Variants in STAG1 observed in about 807,000 individuals in gnomAD.
STAG1 encodes STAG1 cohesin complex component, also known as cohesin subunit SA-1.
STAG1 carries 26 observed loss-of-function variants against 170.9 expected under a neutral mutation model. That is an observed-to-expected ratio of 0.15 (90% CI 0.11 to 0.21). The LOEUF is 0.21. Among genes scored for constraint, STAG1 ranks in the 10% least tolerant of loss-of-function variants. STAG1 has a pLI of 1.00. For synonymous variants in STAG1, 514 were observed against 497.7 expected (o/e 1.03, Z -0.44); for missense variants, 964 against 1,509.5 (o/e 0.64, Z 5.99).
chr3:136,511,533 A>C (rs1437715806), intron 7 of STAG1, among the ~76,000 whole-genome samples: 1 of 152,200 alleles, frequency 6.6e-6, no homozygotes, highest in Non-Finnish European at 1.5e-5. Flanking sequence ...ATCCTTAGCA[A>C]ACTAATGCAG....
rs2087984205 is a variant in STAG1 at position 136,422,369 on chromosome 3, A to G, written c.2037+41T>C. On this transcript the variant is annotated intron_variant, in intron 19 of 33. Transcript: ENST00000383202. ...CACTCAGCTATCTTAAGTAATTCTC[A>G]GTCAATATTATTATATGTACACATT... 3 of 1,551,970 alleles carry G rather than the reference A, an allele frequency of 1.9e-6. No individual in the cohort carries two copies. In the East Asian group the frequency reaches 6.8e-5, roughly 35 times the overall value.
intron 8 of STAG1, among the ~76,000 whole-genome samples, chr3:136,502,319 G>A (rs544329580): frequency 5.8e-4 from 62 of 107,224 alleles, no homozygotes; most frequent in Admixed American, 3.3e-3. Context: ...ATGTAGCTTT[G>A]CTGGCTCACG....
intron 1 of STAG1, among the ~76,000 whole-genome samples, chr3:136,739,442 T>C (rs916923901): frequency 3.4e-5 from 5 of 148,120 alleles, no homozygotes; most frequent in African/African-American, 1.3e-4. Context: ...AGGTGAGAGG[T>C]TGAGGCTGCA....
chr3:136,346,255 T>G (rs993386849), intron 29 of STAG1, among the ~76,000 whole-genome samples: 4 of 152,216 alleles, frequency 2.6e-5, no homozygotes, highest in African/African-American at 9.6e-5. Flanking sequence ...CTTAGCACAG[T>G]TCTTAGGAAG....
Position 136,568,832 on chromosome 3 carries a change from A to G in STAG1, c.327T>C (p.Tyr109=), listed in dbSNP as rs571396320. The change falls in exon 5 of 34, where the codon TAT becomes TAC. Residue 109 remains tyrosine, a synonymous_variant. Coordinates refer to ENST00000383202, the MANE Select transcript of STAG1 (RefSeq NM_005862.3). ...QSVVDDWIES[Y]KQDRDIALLD... is the part of the protein sequence containing the mutation. The stretch of plus-strand genomic sequence containing the variant: ...GAAGTGCGATGTCCCTGTCTTGTTT[A>G]TATGATTCAATCCAGTCATCCACCA... 3 of 1,612,374 alleles carry G rather than the reference A, an allele frequency of 1.9e-6. No homozygotes were observed. In the South Asian group the frequency reaches 3.3e-5, roughly 18 times the overall value.
At chr3:136,586,262 A>G (rs140297523) in intron 4 of STAG1, among the ~76,000 whole-genome samples, 164 of 152,106 alleles carry the variant, frequency 1.1e-3, no homozygotes, top group African/African-American at 3.9e-3. Context: ...ACATATACAC[A>G]CACACACACA....
intron 1 of STAG1, among the ~76,000 whole-genome samples, chr3:136,713,365 T>C (rs1419141428): frequency 6.6e-6 from 1 of 151,272 alleles, no homozygotes; most frequent in South Asian, 2.1e-4. Context: ...GGACAATCAC[T>C]TGAGGTCAGG....
intron 1 of STAG1, among the ~76,000 whole-genome samples, chr3:136,649,517 A>G (rs540788582): frequency 2.0e-5 from 3 of 151,638 alleles, no homozygotes; most frequent in East Asian, 3.9e-4. Context: ...AAAAAAAAAA[A>G]AAAAAGAAAG....
chr3:136,348,291 G>A (rs1415874015), intron 29 of STAG1, among the ~76,000 whole-genome samples: 1 of 150,328 alleles, frequency 6.7e-6, no homozygotes, highest in African/African-American at 2.4e-5. Flanking sequence ...GCAATTTTTA[G>A]GTTTTTTTTT....
intron 3 of STAG1, among the ~76,000 whole-genome samples, chr3:136,617,858 T>C (rs557042067): frequency 1.3e-5 from 2 of 152,190 alleles, no homozygotes; most frequent in Non-Finnish European, 2.9e-5. Flanking sequence ...ACTTTGGAAT[T>C]TGAATATTAT....
chr3:136,556,749 A>G (rs867410587), intron 5 of STAG1, among the ~76,000 whole-genome samples: 10 of 151,586 alleles, frequency 6.6e-5, no homozygotes, highest in Middle Eastern at 3.2e-3. Flanking sequence ...CGCCCCACTA[A>G]TTCCTGCATT....
chr3:136,709,864 A>G (rs1943336201), intron 1 of STAG1, among the ~76,000 whole-genome samples: 1 of 151,322 alleles, frequency 6.6e-6, no homozygotes, highest in Non-Finnish European at 1.5e-5. Flanking sequence ...GTGAAACCTC[A>G]TCTCCACTAA....
At chr3:136,478,835 T>C (rs1332144249) in intron 9 of STAG1, among the ~76,000 whole-genome samples, 8 of 152,176 alleles carry the variant, frequency 5.3e-5, no homozygotes, top group African/African-American at 1.9e-4. Context: ...GTACAGGCTC[T>C]GGAGGAAGAC....
intron 13 of STAG1, 83 bp from the exon 14 acceptor site, chr3:136,452,230 TAAC>T (rs1038991332): frequency 6.0e-5 from 50 of 839,668 alleles, no homozygotes; most frequent in Non-Finnish European, 6.3e-5. Context: ...TTTCAGTGTT[TAAC>T]AACAACAACA....
At chr3:136,681,035 T>C (rs898655637) in intron 1 of STAG1, among the ~76,000 whole-genome samples, 10 of 152,258 alleles carry the variant, frequency 6.6e-5, no homozygotes, top group African/African-American at 2.2e-4. Flanking sequence ...TGATACCTAA[T>C]AAAACATAAA....
Position 136,495,085 on chromosome 3 carries a change from T to A in STAG1, c.902+5138A>T, listed in dbSNP as rs191644694. ...TTTTAAAAGCTCATCTAAAGCATAC[T>A]CAATGCAGGTGGTATCAGTGTAAGG... On this transcript the variant is annotated intron_variant, in intron 9 of 33. Coordinates refer to ENST00000383202, the MANE Select transcript of STAG1 (RefSeq NM_005862.3). 1.5e-4 allele frequency among the ~76,000 whole-genome samples: 23 copies of A among 152,264 alleles called. 1 individual carries two copies. The East Asian group carries it at 4.0e-3, about 27-fold the overall frequency.
chr3:136,430,626 TAAA>T (rs11311172), intron 16 of STAG1, among the ~76,000 whole-genome samples: 130 of 131,684 alleles, frequency 9.9e-4, no homozygotes, highest in African/African-American at 3.4e-3. Flanking sequence ...CTGAAGAGCT[TAAA>T]AAAAAAAAAA....
At chr3:136,516,356 A>G (rs1934376702) in intron 7 of STAG1, among the ~76,000 whole-genome samples, 1 of 151,908 alleles carries the variant, frequency 6.6e-6, no homozygotes, top group Non-Finnish European at 1.5e-5. Flanking sequence ...AACTACAAAA[A>G]AATTAGCCGG....
chr3:136,631,302 T>C (rs1940320614), intron 1 of STAG1, among the ~76,000 whole-genome samples: 1 of 152,156 alleles, frequency 6.6e-6, no homozygotes, highest in African/African-American at 2.4e-5. Context: ...AAGAAGCCAA[T>C]CTGAAAAGGA....
Sources: allele counts gnomAD v4.1 joint callset (sites outside exome capture counted in the v4.1 genomes callset), GRCh38; gene constraint gnomAD v4.1.1; transcripts MANE v1.5; gene names NCBI Gene and HGNC (gene_info 2026-07-23, HGNC 2026-07-21).